NEDD4L: variants seen among roughly 807,000 people sequenced by gnomAD.
NEDD4L encodes the protein NEDD4 like E3 ubiquitin protein ligase, also known as E3 ubiquitin-protein ligase NEDD4-like.
In NEDD4L, 54 loss-of-function variants were observed where a neutral mutation model predicts 148.9. That is an observed-to-expected ratio of 0.36 (90% CI 0.29 to 0.45). NEDD4L has a LOEUF of 0.45. NEDD4L is among the 20% of genes least tolerant of loss of function. The probability of loss-of-function intolerance (pLI) is 1.00; values close to 1 mark genes in which losing one functional copy is unlikely to be tolerated. For missense variants in NEDD4L, 856 were observed against 1,233.8 expected, an observed-to-expected ratio of 0.69 and a Z score of 4.59; for synonymous variants, 433 against 440.7, an observed-to-expected ratio of 0.98 and a Z score of 0.22.
chr18:58,155,822 G>A (rs146134075), intron 1 of NEDD4L, among the ~76,000 whole-genome samples: 58 of 152,326 alleles, frequency 3.8e-4, no homozygotes, highest in Non-Finnish European at 7.3e-4. Flanking sequence ...GAACTGCGGC[G>A]TTGCTTTGGG....
intron 5 of NEDD4L, among the ~76,000 whole-genome samples, chr18:58,284,532 G>T (rs1199870218): frequency 1.3e-5 from 2 of 150,768 alleles, no homozygotes; most frequent in African/African-American, 4.9e-5. Context: ...GGCTGGAGTT[G>T]CTTTTGATGG....
chr18:58,056,905 T>TG lies in NEDD4L; in HGVS notation c.48+12197_48+12198insG, dbSNP rs1262068898. On this transcript the variant is annotated intron_variant, in intron 1 of 30. Transcript: ENST00000400345. Reference sequence around the variant, plus strand: ...CAGAGCTATGCCCTCTTTTTTTTTTTTTTTTGTTTGTTTGTTTATAACTGT... The same window carrying TG: ...CAGAGCTATGCCCTCTTTTTTTTTTTGTTTTTGTTTGTTTGTTTATAACTGT... Among the ~76,000 whole-genome samples the TG allele has an allele frequency of 2.3e-3, 347 of 148,302 alleles. 1 individual carries two copies. Among genetic ancestry groups the TG allele is most frequent in the African/African-American group, 8.0e-3 (317 of 39,384 alleles).
intron 24 of NEDD4L, among the ~76,000 whole-genome samples, chr18:58,377,614 C>A (rs1180275778): frequency 6.6e-6 from 1 of 152,098 alleles, no homozygotes; most frequent in East Asian, 1.9e-4. Context: ...AAGAATAAGC[C>A]GTACCCCCAT....
intron 5 of NEDD4L, among the ~76,000 whole-genome samples, chr18:58,260,755 T>A (rs1401871038): frequency 1.3e-5 from 2 of 152,212 alleles, no homozygotes; most frequent in African/African-American, 2.4e-5. Flanking sequence ...ATGTGACAGT[T>A]TTTTTGAAAA....
chr18:58,255,635 G>A, intron 5 of NEDD4L: 1 of 1,232,452 alleles, frequency 8.1e-7, no homozygotes, highest in Non-Finnish European at 1.0e-6. Flanking sequence ...GGCCCCCCTG[G>A]TCACCATGGC....
At chr18:58,147,351 C>T (rs1450810493) in intron 1 of NEDD4L, among the ~76,000 whole-genome samples, 2 of 151,990 alleles carry the variant, frequency 1.3e-5, no homozygotes, top group African/African-American at 2.4e-5. Context: ...TGCTGGGGGG[C>T]ACTTTCCCTG....
At chr18:58,195,755 G>A (rs751265619) in intron 2 of NEDD4L, 9 of 1,323,834 alleles carry the variant, frequency 6.8e-6, no homozygotes, top group Middle Eastern at 2.1e-4. Context: ...CGAAGGTTCC[G>A]TTCCCTTTAT....
intron 1 of NEDD4L, chr18:58,047,603 A>T (rs1405131958): frequency 3.0e-6 from 2 of 666,636 alleles, no homozygotes; most frequent in Non-Finnish European, 3.7e-6. Flanking sequence ...CTGGTGAGTT[A>T]TAATTCATAT....
At chr18:58,262,115 C>G (rs1387955646) in intron 5 of NEDD4L, among the ~76,000 whole-genome samples, 1 of 152,052 alleles carries the variant, frequency 6.6e-6, no homozygotes, top group Non-Finnish European at 1.5e-5. Flanking sequence ...AAGGAGAGCA[C>G]CAAAACAGCC....
At chr18:58,232,721 C>A (rs2045396275) in intron 2 of NEDD4L, among the ~76,000 whole-genome samples, 1 of 152,206 alleles carries the variant, frequency 6.6e-6, no homozygotes, top group Non-Finnish European at 1.5e-5. Flanking sequence ...TCAAGAAGTG[C>A]AGCACTCAGA....
At chr18:58,349,177 G>A (rs775919357) in intron 16 of NEDD4L, among the ~76,000 whole-genome samples, 4 of 152,096 alleles carry the variant, frequency 2.6e-5, no homozygotes, top group Admixed American at 6.5e-5. Flanking sequence ...TTTCGAAACC[G>A]TTGTCCCCAC....
chr18:58,089,653 G>C (rs921916544), intron 1 of NEDD4L, among the ~76,000 whole-genome samples: 1 of 152,126 alleles, frequency 6.6e-6, no homozygotes, highest in African/African-American at 2.4e-5. Context: ...CATCCATTGA[G>C]AGCAAGGGTT....
At chr18:58,282,985 C>T (rs1414812919) in intron 5 of NEDD4L, among the ~76,000 whole-genome samples, 1 of 152,206 alleles carries the variant, frequency 6.6e-6, no homozygotes. Context: ...ATGATGACGG[C>T]TAATCCCATT....
chr18:58,341,240 C>A, intron 14 of NEDD4L, 71 bp downstream of exon 14: 1 of 1,541,356 alleles, frequency 6.5e-7, no homozygotes, highest in Non-Finnish European at 8.8e-7. Context: ...GAACTCCTTT[C>A]CTGGTGTTTA....
At chr18:58,278,928 G>A (rs529926008) in intron 5 of NEDD4L, among the ~76,000 whole-genome samples, 1 of 152,104 alleles carries the variant, frequency 6.6e-6, no homozygotes, top group Non-Finnish European at 1.5e-5. Flanking sequence ...CTGGAGTGCA[G>A]TGGTGCAGTC....
chr18:58,383,181 C>T, intron 24 of NEDD4L, 65 bp from the exon 25 acceptor site: 2 of 828,032 alleles, frequency 2.4e-6, no homozygotes, highest in South Asian at 3.0e-5. Context: ...AAGACATTGT[C>T]ACTCAATAAT....
At position 58,397,374 on chromosome 18, in the gene NEDD4L, A is replaced by T. The variant is rs1206860978; in HGVS notation, c.*1105A>T. 6.6e-6 allele frequency: 1 copy of T among 152,606 alleles called. No individual in the cohort carries two copies. Among genetic ancestry groups the T allele is most frequent in the Non-Finnish European group, 1.5e-5 (1 of 68,040 alleles). The allele number at this position is 152,606 out of a possible 1,614,324, so 9.5% of individuals were successfully genotyped here. ...TTGTTTTTATTTTTTTATCATGAAC[A>T]TTAAATGTGATGATGATTTCTTTTC... On this transcript the variant is annotated 3_prime_UTR_variant, in exon 31 of 31. Coordinates refer to ENST00000400345, the MANE Select transcript of NEDD4L (RefSeq NM_001144967.3).
At chr18:58,164,970 C>T (rs1389403044) in intron 1 of NEDD4L, among the ~76,000 whole-genome samples, 1 of 152,218 alleles carries the variant, frequency 6.6e-6, no homozygotes, top group Non-Finnish European at 1.5e-5. Context: ...CAGTTCATGA[C>T]CCAAACTGGA....
chr18:58,135,412 A>G (rs929505513), intron 1 of NEDD4L, among the ~76,000 whole-genome samples: 2 of 152,222 alleles, frequency 1.3e-5, no homozygotes, highest in Admixed American at 1.3e-4. Context: ...GTGTGTGCAC[A>G]TCTCTGAGAG....
Sources: allele counts gnomAD v4.1 joint callset (sites outside exome capture counted in the v4.1 genomes callset), GRCh38; gene constraint gnomAD v4.1.1; transcripts MANE v1.5; gene names NCBI Gene and HGNC (gene_info 2026-07-23, HGNC 2026-07-21).